Variants in MGAT5 observed in about 807,000 individuals in gnomAD.
The protein encoded by MGAT5 is alpha-1,6-mannosylglycoprotein 6-beta-N-acetylglucosaminyltransferase.
Under a neutral mutation model 94.3 loss-of-function variants are expected in MGAT5, and 30 were observed. The ratio of observed to expected loss-of-function variants is 0.32; its 90% CI spans 0.24 to 0.43. The LOEUF (loss-of-function observed/expected upper bound fraction) is 0.43. Among genes scored for constraint, MGAT5 ranks in the 20% least tolerant of loss-of-function variants. The pLI, the probability that MGAT5 is intolerant of heterozygous loss-of-function variation, is 1.00. For synonymous variants in MGAT5, 310 were observed against 322.9 expected (o/e 0.96, Z 0.43); for missense variants, 691 against 905.5 (o/e 0.76, Z 3.04).
intron 15 of MGAT5, among the ~76,000 whole-genome samples, chr2:134,442,487 C>T (rs1242588395): frequency 6.6e-6 from 1 of 152,198 alleles, no homozygotes; most frequent in African/African-American, 2.4e-5. Context: ...AGCTCACTGA[C>T]ACATGGTGCA....
intron 4 of MGAT5, among the ~76,000 whole-genome samples, chr2:134,329,024 G>T (rs7558645): frequency 6.6e-6 from 1 of 152,160 alleles, no homozygotes; most frequent in South Asian, 2.1e-4. Flanking sequence ...TAAACAATGA[G>T]TTTTTTCAAA....
At chr2:134,364,371 G>A (rs948456408) in intron 10 of MGAT5, among the ~76,000 whole-genome samples, 3 of 152,242 alleles carry the variant, frequency 2.0e-5, no homozygotes, top group Non-Finnish European at 4.4e-5. Context: ...GTGGTGGCAG[G>A]TGACTGTAAT....
chr2:134,364,441 A>C (rs991857821), intron 10 of MGAT5, among the ~76,000 whole-genome samples: 1 of 152,262 alleles, frequency 6.6e-6, no homozygotes, highest in East Asian at 1.9e-4. Flanking sequence ...CGGATGTTGC[A>C]GTGAGCTGAG....
intron 10 of MGAT5, among the ~76,000 whole-genome samples, chr2:134,372,446 T>C (rs564393930): frequency 3.3e-5 from 5 of 152,178 alleles, no homozygotes; most frequent in Admixed American, 3.3e-4. Context: ...AATAAAAATT[T>C]GTATGAATTT....
chr2:134,387,328 ATATAT>A (rs1242043092), intron 10 of MGAT5, among the ~76,000 whole-genome samples: 6 of 40,270 alleles, frequency 1.5e-4, no homozygotes, highest in East Asian at 1.8e-3. Flanking sequence ...ATATATATAT[ATATAT>A]TTTTTTTTTT....
Position 134,318,660 on chromosome 2 carries a change from A to G in MGAT5, c.494A>G (p.Asp165Gly). The G allele has an allele frequency of 1.2e-6, 2 of 1,613,030 alleles. No individual in the cohort carries two copies. Among genetic ancestry groups the G allele is most frequent in the Non-Finnish European group, 1.7e-6 (2 of 1,179,128 alleles). ...HCEGKIKWMK[D>G]MWRSDPCYAD... is the part of the protein sequence containing the mutation. Reference sequence around the variant, plus strand: ...TTCTTCTTGTTTCAGTGGATGAAAGACATGTGGCGTTCAGATCCCTGCTAC... The same window carrying G: ...TTCTTCTTGTTTCAGTGGATGAAAGGCATGTGGCGTTCAGATCCCTGCTAC... The change falls in exon 4 of 16, where the codon GAC becomes GGC. Residue 165 changes from aspartate to glycine, a missense_variant. Around this residue, in one of 4 missense-constraint regions of MGAT5, gnomAD observed 307 missense variants for 335.4 expected, o/e 0.92. Coordinates refer to ENST00000281923, the MANE Select transcript of MGAT5 (RefSeq NM_002410.5).
chr2:134,333,258 A>G (rs1573834958), intron 4 of MGAT5, among the ~76,000 whole-genome samples: 1 of 152,106 alleles, frequency 6.6e-6, no homozygotes, highest in African/African-American at 2.4e-5. Context: ...GCAGCCATAA[A>G]AAATGATGAG....
intron 4 of MGAT5, among the ~76,000 whole-genome samples, chr2:134,331,112 G>C (rs1227181612): frequency 6.6e-6 from 1 of 152,008 alleles, no homozygotes; most frequent in Non-Finnish European, 1.5e-5. Flanking sequence ...AAATAAGTCT[G>C]ACCAGATTAG....
chr2:134,372,375 A>G (rs1169801151), intron 10 of MGAT5, among the ~76,000 whole-genome samples: 2 of 152,170 alleles, frequency 1.3e-5, no homozygotes, highest in Non-Finnish European at 2.9e-5. Context: ...GGTGCAAAAC[A>G]TGGTTATGGG....
intron 1 of MGAT5, among the ~76,000 whole-genome samples, chr2:134,227,534 A>T (rs563091738): frequency 5.3e-5 from 8 of 152,356 alleles, no homozygotes; most frequent in African/African-American, 1.4e-4. Flanking sequence ...TGCCTAAAAC[A>T]AATAAAAAAT....
intron 1 of MGAT5, among the ~76,000 whole-genome samples, chr2:134,195,147 G>A (rs1679436593): frequency 1.3e-5 from 2 of 152,112 alleles, no homozygotes; most frequent in South Asian, 4.1e-4. Flanking sequence ...ACACCATTTG[G>A]AATATTCCTG....
At chr2:134,242,676 C>G (rs188887677) in intron 1 of MGAT5, among the ~76,000 whole-genome samples, 84 of 152,310 alleles carry the variant, frequency 5.5e-4, no homozygotes, top group African/African-American at 1.8e-3. Context: ...AACAACCTGC[C>G]AGATCATTTC....
chr2:134,127,482 C>G (rs1685894796), intron 1 of MGAT5, among the ~76,000 whole-genome samples: 1 of 150,286 alleles, frequency 6.7e-6, no homozygotes, highest in Non-Finnish European at 1.5e-5. Context: ...TGAGCTCCTT[C>G]AAGGAAAAGG....
chr2:134,245,999 A>G (rs1467013143), intron 1 of MGAT5, among the ~76,000 whole-genome samples: 2 of 152,270 alleles, frequency 1.3e-5, no homozygotes, highest in Non-Finnish European at 1.5e-5. Flanking sequence ...TTCAAATGTA[A>G]GAGGGGATGG....
intron 1 of MGAT5, among the ~76,000 whole-genome samples, chr2:134,172,958 C>T (rs1688288618): frequency 6.6e-6 from 1 of 152,170 alleles, no homozygotes; most frequent in Non-Finnish European, 1.5e-5. Context: ...CCCAGCATCC[C>T]ACAACTAGAT....
At chr2:134,325,569 A>G (rs1341022534) in intron 4 of MGAT5, among the ~76,000 whole-genome samples, 1 of 152,112 alleles carries the variant, frequency 6.6e-6, no homozygotes, top group African/African-American at 2.4e-5. Context: ...TCTAAAAGAG[A>G]CTTTTAAAAC....
chr2:134,292,412 C>T (rs891577015), intron 2 of MGAT5, among the ~76,000 whole-genome samples: 5 of 152,148 alleles, frequency 3.3e-5, no homozygotes, highest in Non-Finnish European at 5.9e-5. Flanking sequence ...TCGGGTCCCT[C>T]AGTTCACAGG....
At chr2:134,185,429 A>G (rs929602089) in intron 1 of MGAT5, among the ~76,000 whole-genome samples, 1 of 152,216 alleles carries the variant, frequency 6.6e-6, no homozygotes, top group Non-Finnish European at 1.5e-5. Context: ...CTGATTGCTG[A>G]TGCAGGAAAA....
At chr2:134,353,956 T>C (rs182842468) in intron 9 of MGAT5, among the ~76,000 whole-genome samples, 5 of 152,306 alleles carry the variant, frequency 3.3e-5, no homozygotes, top group Non-Finnish European at 4.4e-5. Context: ...CTTGGATGCA[T>C]GCTTGCAAGA....
Sources: gnomAD v4.1 joint callset for allele counts (sites outside exome capture counted in the v4.1 genomes callset) on GRCh38, gnomAD v4.1.1 for gene constraint, gnomAD v4.1.1 regional missense constraint, MANE v1.5 for transcripts, NCBI Gene and HGNC (gene_info 2026-07-23, HGNC 2026-07-21) for gene names.